Variants in ZNF609 observed in about 807,000 individuals in gnomAD.
ZNF609 encodes the protein zinc finger protein 609.
ZNF609 carries 11 observed loss-of-function variants against 109.5 expected under a neutral mutation model. The observed-to-expected ratio is 0.10, with a 90% CI of 0.06 to 0.17. The LOEUF is 0.17. Ranked by LOEUF, ZNF609 falls within the 10% of genes least tolerant of loss-of-function variation. The probability of loss-of-function intolerance (pLI) is 1.00; values close to 1 mark genes in which losing one functional copy is unlikely to be tolerated. For synonymous variants in ZNF609, 646 were observed against 662.0 expected (o/e 0.98, Z 0.37); for missense variants, 1,559 against 1,772.4 (o/e 0.88, Z 2.16).
chr15:64,475,392 CTTTTTT>C (rs35289626), intron 1 of ZNF609, among the ~76,000 whole-genome samples: 1 of 109,588 alleles, frequency 9.1e-6, no homozygotes, highest in Non-Finnish European at 1.7e-5. Flanking sequence ...CACATGTTGT[CTTTTTT>C]TTTTTTTTTT....
At chr15:64,527,621 G>C (rs1893986154) in intron 2 of ZNF609, among the ~76,000 whole-genome samples, 1 of 152,018 alleles carries the variant, frequency 6.6e-6, no homozygotes, top group Non-Finnish European at 1.5e-5. Context: ...AATTCACAAA[G>C]TTCAAAGAAA....
intron 2 of ZNF609, chr15:64,592,998 A>G (rs535635237): frequency 5.3e-6 from 8 of 1,514,096 alleles, no homozygotes; most frequent in Non-Finnish European, 7.3e-6. Context: ...AAAAGAAGGA[A>G]CAATGGTCGT....
rs142741144 is a variant in ZNF609, at chr15:64,654,588, G to C, written c.974-15758G>C. On this transcript the variant is annotated intron_variant, in intron 3 of 9. Transcript: ENST00000326648. ...AGTACTCTGTTCTCATCTACTGCCTGATAGCATGTTATTTCTGCGTGTGTT... is the reference window on the plus strand; with the variant it reads ...AGTACTCTGTTCTCATCTACTGCCTCATAGCATGTTATTTCTGCGTGTGTT... 4.2e-3 allele frequency among the ~76,000 whole-genome samples: 642 copies of C among 152,178 alleles called. 9 individuals carry two copies. The highest frequency in any genetic ancestry group is 0.015 in the African/African-American group (610 of 41,518).
intron 3 of ZNF609, among the ~76,000 whole-genome samples, chr15:64,657,979 A>T (rs146241996): frequency 2.5e-4 from 38 of 152,226 alleles, no homozygotes; most frequent in African/African-American, 8.9e-4. Context: ...AACTTTCAAG[A>T]ATTCAAACTG....
At chr15:64,510,863 G>A (rs554722272) in intron 2 of ZNF609, among the ~76,000 whole-genome samples, 98 of 151,956 alleles carry the variant, frequency 6.4e-4, no homozygotes, top group African/African-American at 2.3e-3. Context: ...ACTAGATTAT[G>A]TTTTGATGAG....
At chr15:64,615,576 T>C (rs1026260171) in intron 2 of ZNF609, among the ~76,000 whole-genome samples, 5 of 149,992 alleles carry the variant, frequency 3.3e-5, no homozygotes, top group Non-Finnish European at 7.4e-5. Context: ...AACTTCTGCC[T>C]CCTGGGTTCA....
intron 3 of ZNF609, among the ~76,000 whole-genome samples, chr15:64,636,722 T>C (rs1335854544): frequency 2.0e-5 from 3 of 152,224 alleles, no homozygotes; most frequent in African/African-American, 7.2e-5. Context: ...TTTTCTGCCA[T>C]GTGCTGTTGC....
At chr15:64,460,184 G>A (rs746182821), upstream of ZNF609, among the ~76,000 whole-genome samples, 24 of 151,966 alleles carry the variant, frequency 1.6e-4, no homozygotes, top group Non-Finnish European at 3.4e-4. Context: ...GATCCCCTAC[G>A]GCCCTTTCCT....
intron 3 of ZNF609, among the ~76,000 whole-genome samples, chr15:64,668,685 G>T (rs1020469746): frequency 1.3e-5 from 2 of 152,086 alleles, no homozygotes; most frequent in Admixed American, 6.6e-5. Context: ...CAGGTGCGGT[G>T]GCTCATGCCT....
rs2141020387 is a variant in ZNF609, at chr15:64,680,825, A to G, written c.4125A>G (p.Ser1375=). The change falls in exon 8 of 10, where the codon TCA becomes TCG. Residue 1375 remains serine (S), a synonymous_variant. Coordinates refer to ENST00000326648, the MANE Select transcript of ZNF609 (RefSeq NM_015042.2). ...ACCACCACCACCACTTGGGGTACTCATTGCTCCCAGCACAGTACAACTTAC... is the reference window on the plus strand; with the variant it reads ...ACCACCACCACCACTTGGGGTACTCGTTGCTCCCAGCACAGTACAACTTAC... ...THHHHHHLGY[S]LLPAQYNLPY... 1 of 1,612,716 alleles carries G rather than the reference A, an allele frequency of 6.2e-7. No individual in the cohort carries two copies. The highest frequency in any genetic ancestry group is 8.5e-7 in the Non-Finnish European group (1 of 1,179,980).
intron 5 of ZNF609, among the ~76,000 whole-genome samples, chr15:64,676,576 AC>A (rs1261608614): frequency 6.9e-5 from 10 of 143,916 alleles, no homozygotes; most frequent in Admixed American, 6.9e-4. Context: ...GATTACAGGC[AC>A]ACGCCACCAT....
In ZNF609 at chr15:64,622,854, G is replaced by A. The variant is rs1895897669; in HGVS notation, c.775G>A (p.Val259Met). Residue 259 changes from valine to methionine, a missense_variant, in exon 3 of 10, where the codon GTG (valine) becomes ATG (methionine). By Grantham distance (21) the Val-to-Met change is conservative. Around this residue, in one of 4 missense-constraint regions of ZNF609, gnomAD observed 291 missense variants for 317.8 expected, o/e 0.92. Transcript: ENST00000326648. ...KMESPVSTPA[V>M]LPIHLLVPVV... ...GGAGTCCCCTGTTTCCACACCAGCA[G>A]TGCTGCCAATACACCTTTTGGTGCC... 2 of 1,614,140 alleles carry A rather than the reference G, an allele frequency of 1.2e-6. No individual in the cohort carries two copies. The highest frequency in any genetic ancestry group is 1.7e-6 in the Non-Finnish European group (2 of 1,180,060).
At chr15:64,469,984 G>C (rs1033689402) in intron 1 of ZNF609, among the ~76,000 whole-genome samples, 1 of 152,178 alleles carries the variant, frequency 6.6e-6, no homozygotes, top group African/African-American at 2.4e-5. Context: ...GATTATGGAG[G>C]TTAGTTGGAT....
At chr15:64,671,486 A>G (rs771445193) in intron 4 of ZNF609, 3 of 152,220 alleles carry the variant, frequency 2.0e-5, no homozygotes, top group Non-Finnish European at 4.4e-5. Context: ...TTCATTGATG[A>G]TAGCTATTTC....
At chr15:64,581,978 A>G (rs1895111445) in intron 2 of ZNF609, among the ~76,000 whole-genome samples, 1 of 152,046 alleles carries the variant, frequency 6.6e-6, no homozygotes, top group Non-Finnish European at 1.5e-5. Context: ...CTCCAACACT[A>G]TTCCTGGCTT....
At chr15:64,522,736 A>C (rs1048294770) in intron 2 of ZNF609, among the ~76,000 whole-genome samples, 1 of 152,150 alleles carries the variant, frequency 6.6e-6, no homozygotes, top group African/African-American at 2.4e-5. Flanking sequence ...TTCGTTGATG[A>C]GCTTGCTCAA....
At chr15:64,646,696 T>C (rs1240209411) in intron 3 of ZNF609, among the ~76,000 whole-genome samples, 1 of 149,092 alleles carries the variant, frequency 6.7e-6, no homozygotes, top group Admixed American at 6.7e-5. Flanking sequence ...CCTAGCACTT[T>C]GGGAGGCCAA....
In ZNF609 at chr15:64,578,104, G is replaced by A. The variant is rs549226927; in HGVS notation, c.748-44723G>A. Among the ~76,000 whole-genome samples, 13 of 151,538 alleles carry A rather than the reference G, an allele frequency of 8.6e-5. No individual in the cohort carries two copies. The South Asian group carries it at 2.5e-3, about 29-fold the overall frequency. ...ATAGGGAAAAAAACATAAAGGAAAA[G>A]ATTGATAGATTTTTACTAAATAAAA... On this transcript the variant is annotated intron_variant, in intron 2 of 9. Coordinates refer to ENST00000326648, the MANE Select transcript of ZNF609 (RefSeq NM_015042.2).
intron 2 of ZNF609, among the ~76,000 whole-genome samples, chr15:64,566,931 G>C (rs1199352192): frequency 6.6e-6 from 1 of 152,134 alleles, no homozygotes; most frequent in Non-Finnish European, 1.5e-5. Flanking sequence ...TTGATGGCAG[G>C]CAACCTTAAG....
Sources: allele counts gnomAD v4.1 joint callset (sites outside exome capture counted in the v4.1 genomes callset), GRCh38; gene constraint gnomAD v4.1.1; regional missense constraint gnomAD v4.1.1; transcripts MANE v1.5; gene names NCBI Gene and HGNC (gene_info 2026-07-23, HGNC 2026-07-21).